FBXO36: variants seen among roughly 807,000 people sequenced by gnomAD.
FBXO36 encodes F-box only protein 36.
FBXO36 carries 18 observed loss-of-function variants against 17.0 expected under a neutral mutation model. The observed-to-expected ratio is 1.06, with a 90% confidence interval of 0.73 to 1.57. FBXO36 has a LOEUF of 1.57. Ranked by LOEUF, FBXO36 falls within the 40% of genes most tolerant of loss-of-function variation. The probability of loss-of-function intolerance (pLI) is 0.00; values close to 1 mark genes in which losing one functional copy is unlikely to be tolerated. For missense variants in FBXO36, 229 were observed against 221.9 expected (o/e 1.03, Z -0.20); for synonymous variants, 83 against 85.3 (o/e 0.97, Z 0.15).
rs554782882 is a variant in FBXO36, at chr2:229,985,404, C to T, written c.205+9055C>T. Among the ~76,000 whole-genome samples the T allele has an allele frequency of 3.3e-5, 5 of 152,212 alleles. No individual in the cohort carries two copies. In the South Asian group the frequency reaches 1.0e-3, roughly 32 times the overall value. ...CATGCCTTGTTCCATAATCCATTTT[C>T]TCTAGGTTTCTTTTTTAGACTTATA... is the stretch of plus-strand genomic sequence containing the variant. On this transcript the variant is annotated intron_variant, in intron 2 of 3. Transcript: ENST00000283946.
chr2:229,988,744 C>G (rs373178421), intron 2 of FBXO36, among the ~76,000 whole-genome samples: 2 of 151,584 alleles, frequency 1.3e-5, no homozygotes, highest in African/African-American at 4.8e-5. Flanking sequence ...CCATGTTGCT[C>G]AGGCTGGTCT....
intron 1 of FBXO36, among the ~76,000 whole-genome samples, chr2:229,949,541 A>ACACC (rs932130841): frequency 1.6e-5 from 2 of 128,340 alleles, no homozygotes; most frequent in African/African-American, 2.6e-5. Context: ...AAATGTATAC[A>ACACC]CACACACACA....
intron 1 of FBXO36, chr2:229,932,935 T>C (rs1221779911): frequency 5.1e-5 from 14 of 272,628 alleles, no homozygotes; most frequent in Non-Finnish European, 7.6e-6. Context: ...GGCGTGGTGA[T>C]GCACGCCTGT....
intron 1 of FBXO36, chr2:229,937,765 T>C (rs1478064589): frequency 6.6e-6 from 1 of 152,062 alleles, no homozygotes; most frequent in Non-Finnish European, 1.5e-5. Flanking sequence ...ACACATGGGT[T>C]TCTCTCTCTT....
chr2:230,005,261 C>T (rs1484376540), intron 3 of FBXO36, among the ~76,000 whole-genome samples: 1 of 151,170 alleles, frequency 6.6e-6, no homozygotes, highest in Non-Finnish European at 1.5e-5. Flanking sequence ...ACCACGACAC[C>T]CGGCTAATTT....
intron 3 of FBXO36, among the ~76,000 whole-genome samples, chr2:230,007,724 G>A (rs1416631585): frequency 6.6e-6 from 1 of 152,044 alleles, no homozygotes; most frequent in East Asian, 1.9e-4. Context: ...AGCCTCCCAA[G>A]TAGCTGGGAC....
chr2:229,941,788 A>C (rs1197847480), intron 1 of FBXO36, among the ~76,000 whole-genome samples: 1 of 152,184 alleles, frequency 6.6e-6, no homozygotes, highest in Non-Finnish European at 1.5e-5. Context: ...AGGCCGAGGC[A>C]GGTGGATCAC....
intron 1 of FBXO36, among the ~76,000 whole-genome samples, chr2:229,924,265 G>C (rs907895593): frequency 6.6e-6 from 1 of 151,898 alleles, no homozygotes; most frequent in African/African-American, 2.4e-5. Flanking sequence ...GCTAATTTTT[G>C]TATTTTTAAT....
chr2:229,963,924 G>T (rs1327122840), intron 1 of FBXO36, among the ~76,000 whole-genome samples: 1 of 152,098 alleles, frequency 6.6e-6, no homozygotes, highest in East Asian at 1.9e-4. Context: ...AATGGAGTGT[G>T]TTTTTATTCT....
At chr2:229,940,693 C>T (rs1284852551) in intron 1 of FBXO36, among the ~76,000 whole-genome samples, 1 of 152,084 alleles carries the variant, frequency 6.6e-6, no homozygotes, top group African/African-American at 2.4e-5. Flanking sequence ...ATGATGAAGG[C>T]AGAGATTGGA....
chr2:229,928,124 C>T (rs2106152016), intron 1 of FBXO36, among the ~76,000 whole-genome samples: 1 of 152,238 alleles, frequency 6.6e-6, no homozygotes, highest in Non-Finnish European at 1.5e-5. Flanking sequence ...GATTATTGAC[C>T]AAAGTCAATA....
intron 1 of FBXO36, chr2:229,939,072 T>G (rs2076983091): frequency 6.6e-6 from 1 of 151,578 alleles, no homozygotes; most frequent in African/African-American, 2.7e-5. Context: ...TTTTTTTTTT[T>G]TGAGGAGTTT....
intron 3 of FBXO36, among the ~76,000 whole-genome samples, chr2:230,007,466 G>A (rs2077393226): frequency 6.6e-6 from 1 of 152,102 alleles, no homozygotes; most frequent in South Asian, 2.1e-4. Flanking sequence ...AAGCCCCTGG[G>A]GCACAGGTGG....
intron 1 of FBXO36, among the ~76,000 whole-genome samples, chr2:229,965,023 T>C (rs2077143817): frequency 6.6e-6 from 1 of 152,200 alleles, no homozygotes; most frequent in East Asian, 1.9e-4. Context: ...TTATCAGTCT[T>C]TCTTTGATTG....
At chr2:229,987,791 T>C (rs1201390942) in intron 2 of FBXO36, among the ~76,000 whole-genome samples, 1 of 152,006 alleles carries the variant, frequency 6.6e-6, no homozygotes. Flanking sequence ...CCACCACACC[T>C]GGATAATTTT....
At chr2:229,937,364 A>G in intron 1 of FBXO36, among the ~76,000 whole-genome samples, 1 of 151,944 alleles carries the variant, frequency 6.6e-6, no homozygotes, top group East Asian at 1.9e-4. Context: ...GTGTGGTGGC[A>G]GGCACCTGTA....
chr2:229,957,436 G>A (rs1043878248), intron 1 of FBXO36, among the ~76,000 whole-genome samples: 2 of 152,164 alleles, frequency 1.3e-5, no homozygotes, highest in African/African-American at 2.4e-5. Context: ...AATTAGCTTG[G>A]CGTGGTGGCG....
chr2:229,978,811 A>T lies in FBXO36; in HGVS notation c.205+2462A>T, dbSNP rs1428095421. On this transcript the variant is annotated intron_variant, in intron 2 of 3. Transcript: ENST00000283946. ...AGGACTAAGCATTGAAACTCAAAAA[A>T]ATCAAGCACGATAATCTCATTTAGA... is the stretch of plus-strand genomic sequence containing the variant. 2.0e-5 allele frequency among the ~76,000 whole-genome samples: 3 copies of T among 152,134 alleles called. No homozygotes were observed. In the South Asian group the frequency reaches 6.2e-4, roughly 31 times the overall value.
intron 1 of FBXO36, among the ~76,000 whole-genome samples, chr2:229,946,129 A>C (rs2077026071): frequency 6.6e-6 from 1 of 152,082 alleles, no homozygotes; most frequent in African/African-American, 2.4e-5. Context: ...GAGGGAAGGA[A>C]GCGGAAGCAG....
Sources: allele counts gnomAD v4.1 joint callset (sites outside exome capture counted in the v4.1 genomes callset), GRCh38; gene constraint gnomAD v4.1.1; transcripts MANE v1.5; gene names NCBI Gene and HGNC (gene_info 2026-07-23, HGNC 2026-07-21).